The following NXPH1 variants were observed in gnomAD, a reference collection of about 807,000 sequenced individuals.
The protein encoded by NXPH1 is neurexophilin 1.
NXPH1 carries 5 observed loss-of-function variants against 23.7 expected under a neutral mutation model. The observed-to-expected ratio is 0.21, with a 90% CI of 0.11 to 0.44. The LOEUF is 0.44. NXPH1 is among the 20% of genes least tolerant of loss of function. The pLI, the probability that NXPH1 is intolerant of heterozygous loss-of-function variation, is 0.99. For synonymous variants in NXPH1, 144 were observed against 122.2 expected (o/e 1.18, Z -1.18); for missense variants, 324 against 321.6 (o/e 1.01, Z -0.06).
intron 2 of NXPH1, among the ~76,000 whole-genome samples, chr7:8,690,735 A>G (rs762185207): frequency 1.9e-4 from 29 of 152,236 alleles, no homozygotes; most frequent in South Asian, 1.0e-3. Flanking sequence ...AACTTGAGAA[A>G]TAAACAATCC....
At chr7:8,653,304 A>G (rs1297813296) in intron 2 of NXPH1, among the ~76,000 whole-genome samples, 1 of 152,202 alleles carries the variant, frequency 6.6e-6, no homozygotes, top group Non-Finnish European at 1.5e-5. Flanking sequence ...TAAGCCTCAT[A>G]GACTACATAT....
chr7:8,570,171 A>G (rs1432714089), intron 2 of NXPH1, among the ~76,000 whole-genome samples: 1 of 151,932 alleles, frequency 6.6e-6, no homozygotes, highest in African/African-American at 2.4e-5. Context: ...TAATTTATTT[A>G]AAAAATTGAC....
intron 2 of NXPH1, among the ~76,000 whole-genome samples, chr7:8,556,948 G>A (rs549560782): frequency 4.0e-5 from 6 of 151,792 alleles, no homozygotes; most frequent in South Asian, 2.1e-4. Flanking sequence ...AAACAGATAC[G>A]ATGAGGTAAT....
chr7:8,668,439 G>A (rs1820814497), intron 2 of NXPH1, among the ~76,000 whole-genome samples: 1 of 152,170 alleles, frequency 6.6e-6, no homozygotes, highest in South Asian at 2.1e-4. Context: ...TGCTACTGGA[G>A]TTCTCATGCA....
intron 2 of NXPH1, among the ~76,000 whole-genome samples, chr7:8,739,794 A>G (rs965637384): frequency 6.6e-6 from 1 of 152,114 alleles, no homozygotes; most frequent in Non-Finnish European, 1.5e-5. Flanking sequence ...AACTTTTTCT[A>G]TTTTTTAAAT....
At position 8,721,535 on chromosome 7, in the gene NXPH1, G is replaced by T. The variant is rs1047264413; in HGVS notation, c.55-29473G>T. Among the ~76,000 whole-genome samples, 3 of 152,180 alleles carry T rather than the reference G, an allele frequency of 2.0e-5. No homozygotes were observed. The East Asian group carries it at 5.8e-4, about 29-fold the overall frequency. The stretch of plus-strand genomic sequence containing the variant: ...TCACGCCTGTAATCCCAGCACTTTG[G>T]GAGGCCGAGGTGGGTGGATCACGAG... On this transcript the variant is annotated intron_variant, in intron 2 of 2. Transcript: ENST00000405863.
chr7:8,613,113 C>G (rs754126890), intron 2 of NXPH1, among the ~76,000 whole-genome samples: 18 of 151,944 alleles, frequency 1.2e-4, no homozygotes, highest in Non-Finnish European at 2.4e-4. Flanking sequence ...AGTTTTCATG[C>G]CACTACTACC....
At chr7:8,701,113 T>C (rs1268369249) in intron 2 of NXPH1, among the ~76,000 whole-genome samples, 7 of 152,088 alleles carry the variant, frequency 4.6e-5, no homozygotes, top group Admixed American at 4.6e-4. Context: ...TGTTAATGTA[T>C]ATAAGGCATA....
chr7:8,735,548 A>G (rs962992049), intron 2 of NXPH1, among the ~76,000 whole-genome samples: 1 of 152,146 alleles, frequency 6.6e-6, no homozygotes, highest in Admixed American at 6.5e-5. Context: ...CCAGTATTTT[A>G]TTGAGGATTT....
At chr7:8,596,487 TA>T (rs1463209805) in intron 2 of NXPH1, among the ~76,000 whole-genome samples, 1 of 152,110 alleles carries the variant, frequency 6.6e-6, no homozygotes, top group African/African-American at 2.4e-5. Flanking sequence ...ACTTTACTAT[TA>T]TATCTTAAGT....
intron 2 of NXPH1, among the ~76,000 whole-genome samples, chr7:8,517,106 C>T (rs1293210048): frequency 6.6e-6 from 1 of 152,142 alleles, no homozygotes; most frequent in Non-Finnish European, 1.5e-5. Flanking sequence ...AAGAACACAA[C>T]AGTAAAGAAG....
intron 2 of NXPH1, among the ~76,000 whole-genome samples, chr7:8,699,457 A>G (rs575646940): frequency 2.6e-4 from 40 of 152,136 alleles, no homozygotes; most frequent in Non-Finnish European, 4.7e-4. Context: ...CAATATTATT[A>G]TTCTGCAGAA....
chr7:8,659,569 C>A (rs951497629), intron 2 of NXPH1, among the ~76,000 whole-genome samples: 3 of 152,086 alleles, frequency 2.0e-5, no homozygotes, highest in African/African-American at 7.2e-5. Context: ...ACATCACACA[C>A]CGGGGCCTGT....
intron 2 of NXPH1, among the ~76,000 whole-genome samples, chr7:8,713,596 G>A (rs1779830594): frequency 6.6e-6 from 1 of 152,024 alleles, no homozygotes; most frequent in Non-Finnish European, 1.5e-5. Context: ...TCCTTCTTGG[G>A]AAGCCTTTCC....
chr7:8,551,753 T>C (rs1818279187), intron 2 of NXPH1, among the ~76,000 whole-genome samples: 1 of 151,424 alleles, frequency 6.6e-6, no homozygotes, highest in African/African-American at 2.4e-5. Flanking sequence ...ATTCCTACAG[T>C]GCATTATAAC....
At chr7:8,558,756 T>A (rs1186087927) in intron 2 of NXPH1, among the ~76,000 whole-genome samples, 2 of 151,732 alleles carry the variant, frequency 1.3e-5, no homozygotes, top group Non-Finnish European at 3.0e-5. Flanking sequence ...TACAGCAGAT[T>A]TCGAGGTATT....
chr7:8,676,331 T>C lies in NXPH1; in HGVS notation c.55-74677T>C, dbSNP rs1245624705. 2.0e-5 allele frequency among the ~76,000 whole-genome samples: 3 copies of C among 152,208 alleles called. No homozygotes were observed. The East Asian group carries it at 5.8e-4, about 29-fold the overall frequency. Reference sequence around the variant, plus strand: ...CAAAGGATGGAATTCTGGTGCTCTGTACTTTAGTTGGCTTGTGTGTATTAA... The same window carrying C: ...CAAAGGATGGAATTCTGGTGCTCTGCACTTTAGTTGGCTTGTGTGTATTAA... On this transcript the variant is annotated intron_variant, in intron 2 of 2. Transcript: ENST00000405863.
chr7:8,710,704 G>A (rs890956703), intron 2 of NXPH1, among the ~76,000 whole-genome samples: 4 of 98,306 alleles, frequency 4.1e-5, no homozygotes, highest in East Asian at 7.7e-4. Context: ...CGCCCAGGCC[G>A]GACTGCGGAC....
At chr7:8,615,260 G>T (rs1287542470) in intron 2 of NXPH1, among the ~76,000 whole-genome samples, 1 of 152,076 alleles carries the variant, frequency 6.6e-6, no homozygotes, top group African/African-American at 2.4e-5. Flanking sequence ...GACTGTCCCT[G>T]CAGGAGGCAG....
Sources: gnomAD v4.1 joint callset for allele counts (sites outside exome capture counted in the v4.1 genomes callset) on GRCh38, gnomAD v4.1.1 for gene constraint, MANE v1.5 for transcripts, NCBI Gene and HGNC (gene_info 2026-07-23, HGNC 2026-07-21) for gene names.